Variants in DHRSX observed in about 807,000 individuals in gnomAD.
DHRSX encodes dehydrogenase/reductase X-linked, also known as polyprenol dehydrogenase.
A neutral mutation model predicts 34.0 loss-of-function variants in DHRSX; 31 were observed. That is an observed-to-expected ratio of 0.91 (90% confidence interval 0.69 to 1.23). The LOEUF (loss-of-function observed/expected upper bound fraction) is 1.23. DHRSX is among the 50% of genes most tolerant of loss of function. The pLI, the probability that DHRSX is intolerant of heterozygous loss-of-function variation, is 0.00. For synonymous variants in DHRSX, 201 were observed against 183.8 expected, an observed-to-expected ratio of 1.09 and a Z score of -0.76; for missense variants, 414 against 428.1, an observed-to-expected ratio of 0.97 and a Z score of 0.29.
At chrX:2,260,439 T>G (rs1292850491) in intron 5 of DHRSX, among the ~76,000 whole-genome samples, 1 of 150,934 alleles carries the variant, frequency 6.6e-6, no homozygotes, top group Non-Finnish European at 1.5e-5. Context: ...TGTGTCTCTC[T>G]GTCTCCAAAT....
chrX:2,244,646 T>C lies in DHRSX; in HGVS notation c.597-1416A>G, dbSNP rs2016234870. Among the ~76,000 whole-genome samples the C allele has an allele frequency of 2.0e-5, 3 of 152,142 alleles. No homozygotes were observed. The South Asian group carries it at 6.2e-4, about 32-fold the overall frequency. On this transcript the variant is annotated intron_variant, in intron 5 of 6. Transcript: ENST00000334651. ...TTGCTACACAATTATCGTAACAACA[T>C]TTCAAGGTGGCTGAAGGTTCATATC...
At chrX:2,354,922 C>T (rs1279845753) in intron 3 of DHRSX, among the ~76,000 whole-genome samples, 2 of 152,028 alleles carry the variant, frequency 1.3e-5, no homozygotes, top group African/African-American at 2.4e-5. Context: ...AATAAATGCC[C>T]GTATGGAGGG....
rs370070223 is a variant in DHRSX, at chrX:2,266,966, C to T, written c.389-19G>A. ...ACCCCAGCTGGACAAAAGAGAATAT[C>T]AGAAGGAGTTAGACTGGGGAAGACA... On this transcript the variant is annotated intron_variant, in intron 4 of 6. Transcript: ENST00000334651. The T allele has an allele frequency of 3.1e-5, 50 of 1,612,886 alleles. No homozygotes were observed. In the African/African-American group the frequency reaches 5.9e-4, roughly 19 times the overall value.
intron 3 of DHRSX, among the ~76,000 whole-genome samples, chrX:2,303,054 A>G (rs1376249950): frequency 6.6e-6 from 1 of 152,160 alleles, no homozygotes; most frequent in South Asian, 2.1e-4. Context: ...AACCCATACT[A>G]CTGCTAATAA....
At chrX:2,261,135 G>A (rs1204860192) in intron 5 of DHRSX, among the ~76,000 whole-genome samples, 1 of 152,070 alleles carries the variant, frequency 6.6e-6, no homozygotes, top group African/African-American at 2.4e-5. Flanking sequence ...ATTGGAACCC[G>A]GGAGGCGGAG....
chrX:2,310,142 C>T (rs772407634), intron 3 of DHRSX, among the ~76,000 whole-genome samples: 47 of 152,134 alleles, frequency 3.1e-4, no homozygotes, highest in African/African-American at 1.1e-3. Context: ...CAGTTCTTCC[C>T]GCACTTGTGG....
chrX:2,479,725 G>A (rs1315408201), intron 1 of DHRSX, among the ~76,000 whole-genome samples: 12 of 146,578 alleles, frequency 8.2e-5, no homozygotes, highest in African/African-American at 2.3e-4. Flanking sequence ...CCAAGGGACC[G>A]CCACAGTGTA....
At chrX:2,345,153 C>T (rs1010706082) in intron 3 of DHRSX, among the ~76,000 whole-genome samples, 10 of 151,840 alleles carry the variant, frequency 6.6e-5, no homozygotes, top group Middle Eastern at 3.2e-3. Flanking sequence ...TGTCTGGGTA[C>T]TCTTGTTCTG....
intron 2 of DHRSX, among the ~76,000 whole-genome samples, chrX:2,424,608 TA>T (rs1478279830): frequency 6.6e-6 from 1 of 152,154 alleles, no homozygotes; most frequent in Non-Finnish European, 1.5e-5. Context: ...ACAGCCCTAG[TA>T]AAGTCATAAA....
chrX:2,223,862 T>A (rs1489134234), intron 6 of DHRSX, among the ~76,000 whole-genome samples: 1 of 152,082 alleles, frequency 6.6e-6, no homozygotes, highest in Non-Finnish European at 1.5e-5. Context: ...CCAGCCCACT[T>A]CCATATAAAA....
chrX:2,472,770 AAAAT>A (rs967866171), intron 1 of DHRSX, among the ~76,000 whole-genome samples: 3 of 152,114 alleles, frequency 2.0e-5, no homozygotes, highest in African/African-American at 7.2e-5. Context: ...AATCATCTCA[AAAAT>A]AAATAAATAA....
At chrX:2,430,592 G>A (rs1421778055) in intron 1 of DHRSX, among the ~76,000 whole-genome samples, 2 of 152,016 alleles carry the variant, frequency 1.3e-5, no homozygotes, top group Non-Finnish European at 1.5e-5. Flanking sequence ...TCACAGGTGT[G>A]AGGCACCTAC....
intron 3 of DHRSX, among the ~76,000 whole-genome samples, chrX:2,395,684 C>T (rs913066465): frequency 4.6e-5 from 7 of 151,982 alleles, no homozygotes; most frequent in African/African-American, 1.7e-4. Context: ...AGTCTGAGGC[C>T]AACACTTCAG....
intron 1 of DHRSX, among the ~76,000 whole-genome samples, chrX:2,498,067 G>A (rs1829034951): frequency 1.3e-5 from 2 of 152,122 alleles, no homozygotes; most frequent in African/African-American, 4.8e-5. Flanking sequence ...TGATTAATTT[G>A]TAATTATCTT....
intron 1 of DHRSX, among the ~76,000 whole-genome samples, chrX:2,464,878 C>T (rs1254715958): frequency 3.9e-5 from 6 of 151,932 alleles, no homozygotes; most frequent in East Asian, 1.9e-4. Flanking sequence ...AAGCATGTGG[C>T]GCAAGGGACT....
At chrX:2,372,398 A>G (rs981744188) in intron 3 of DHRSX, among the ~76,000 whole-genome samples, 2 of 152,122 alleles carry the variant, frequency 1.3e-5, no homozygotes, top group Non-Finnish European at 2.9e-5. Context: ...TGTGTCTATC[A>G]CACGAACCGC....
intron 3 of DHRSX, among the ~76,000 whole-genome samples, chrX:2,298,747 A>G (rs2041974881): frequency 6.6e-6 from 1 of 151,908 alleles, no homozygotes; most frequent in Admixed American, 6.6e-5. Flanking sequence ...GCACTTTGGG[A>G]GGCCGAGGCG....
chrX:2,479,361 C>A (rs28514873), intron 1 of DHRSX, among the ~76,000 whole-genome samples: 30,025 of 145,056 alleles, frequency 0.21, 3,929 homozygotes, highest in African/African-American at 0.39. Context: ...ACCTCCGCCA[C>A]GTACACACTG....
chrX:2,224,188 T>C (rs1440847311), intron 6 of DHRSX, among the ~76,000 whole-genome samples: 1 of 152,218 alleles, frequency 6.6e-6, no homozygotes, highest in Admixed American at 6.5e-5. Context: ...ATACCCGACC[T>C]GTGTCTTGAC....
Sources: allele counts gnomAD v4.1 joint callset (sites outside exome capture counted in the v4.1 genomes callset), GRCh38; gene constraint gnomAD v4.1.1; transcripts MANE v1.5; gene names NCBI Gene and HGNC (gene_info 2026-07-23, HGNC 2026-07-21).